Variants in ATP10B observed in about 807,000 individuals in gnomAD.
ATP10B encodes the protein phospholipid-transporting ATPase VB.
ATP10B carries 122 observed loss-of-function variants against 141.2 expected under a neutral mutation model. That is an observed-to-expected ratio of 0.86 (90% CI 0.75 to 1.00). The LOEUF is 1.00. Ranked by LOEUF, ATP10B falls within the 50% of genes least tolerant of loss-of-function variation. The pLI is 0.00. For synonymous variants in ATP10B, 685 were observed against 692.0 expected (o/e 0.99, Z 0.16); for missense variants, 1,876 against 1,825.3 (o/e 1.03, Z -0.51).
In ATP10B at chr5:160,796,408, A is replaced by G. The variant is rs557638083; in HGVS notation, c.-575-10605T>C. On this transcript the variant is annotated intron_variant, in intron 1 of 25. Coordinates refer to ENST00000327245, the MANE Select transcript of ATP10B (RefSeq NM_025153.3). The stretch of plus-strand genomic sequence containing the variant: ...TGATAATAGTAGTAGGAAGGGTAAC[A>G]GTAGCTGACAGTAACTGGTTGTGTG... Among the ~76,000 whole-genome samples the G allele has an allele frequency of 5.7e-4, 87 of 152,362 alleles. No homozygotes were observed. The South Asian group carries it at 0.017, about 30-fold the overall frequency.
intron 2 of ATP10B, among the ~76,000 whole-genome samples, chr5:160,762,084 A>G (rs539058028): frequency 6.6e-6 from 1 of 152,348 alleles, no homozygotes. Context: ...ACAACCAAAC[A>G]TAAGAATAAT....
At chr5:160,809,172 C>G (rs888426570) in intron 1 of ATP10B, among the ~76,000 whole-genome samples, 1 of 152,126 alleles carries the variant, frequency 6.6e-6, no homozygotes, top group African/African-American at 2.4e-5. Flanking sequence ...GCTTTATAGG[C>G]ACTAGTTGTT....
At chr5:160,891,226 AG>A in the ATP10B span, among the ~76,000 whole-genome samples, 1 of 152,162 alleles carries the variant, frequency 6.6e-6, no homozygotes, top group Non-Finnish European at 1.5e-5. Context: ...CCAGACTGCC[AG>A]GTCTCCACAA....
At chr5:160,582,765 G>A (rs1338180433) in intron 24 of ATP10B, among the ~76,000 whole-genome samples, 2 of 152,114 alleles carry the variant, frequency 1.3e-5, no homozygotes, top group Non-Finnish European at 2.9e-5. Flanking sequence ...TTTCTTGGAG[G>A]CTTTGTTCAT....
intron 3 of ATP10B, among the ~76,000 whole-genome samples, chr5:160,704,745 C>G (rs1764877946): frequency 6.6e-6 from 1 of 152,054 alleles, no homozygotes; most frequent in South Asian, 2.1e-4. Context: ...TTGTTTAGCG[C>G]AGCCACTTTT....
At chr5:160,773,552 G>C (rs1013685210) in intron 2 of ATP10B, among the ~76,000 whole-genome samples, 2 of 152,244 alleles carry the variant, frequency 1.3e-5, no homozygotes, top group South Asian at 4.1e-4. Context: ...TATTTGTTAG[G>C]TATATTAGCA....
intron 7 of ATP10B, among the ~76,000 whole-genome samples, chr5:160,655,371 T>C (rs947749140): frequency 1.3e-5 from 2 of 152,096 alleles, no homozygotes; most frequent in East Asian, 3.8e-4. Flanking sequence ...GAATTGCTCC[T>C]TTTCATGTGC....
At chr5:160,850,895 C>G (rs1452684377) in intron 1 of ATP10B, among the ~76,000 whole-genome samples, 1 of 152,202 alleles carries the variant, frequency 6.6e-6, no homozygotes, top group Non-Finnish European at 1.5e-5. Context: ...GATGAAATGA[C>G]AAACTCAGTG....
At chr5:160,830,015 C>A (rs1345844857) in intron 1 of ATP10B, among the ~76,000 whole-genome samples, 1 of 152,022 alleles carries the variant, frequency 6.6e-6, no homozygotes, top group African/African-American at 2.4e-5. Flanking sequence ...GAGTGGGCAT[C>A]CTTGTCTTGT....
At chr5:160,776,213 A>T (rs1432286815) in intron 2 of ATP10B, among the ~76,000 whole-genome samples, 1 of 152,168 alleles carries the variant, frequency 6.6e-6, no homozygotes, top group Non-Finnish European at 1.5e-5. Flanking sequence ...CCCTATCCTC[A>T]GTGCTTGGAA....
chr5:160,781,693 T>A (rs2127882605), intron 2 of ATP10B, among the ~76,000 whole-genome samples: 2 of 152,290 alleles, frequency 1.3e-5, no homozygotes, highest in African/African-American at 4.8e-5. Flanking sequence ...ACCCATCCAT[T>A]TTGCAATCTA....
the ATP10B span, among the ~76,000 whole-genome samples, chr5:160,870,775 A>G: frequency 0.021 from 3,178 of 152,170 alleles, 103 homozygotes; most frequent in African/African-American, 0.069. Flanking sequence ...AAAACCTACA[A>G]CAAAGCATAT....
chr5:160,816,993 G>T (rs909359112), intron 1 of ATP10B, among the ~76,000 whole-genome samples: 1 of 152,100 alleles, frequency 6.6e-6, no homozygotes, highest in African/African-American at 2.4e-5. Flanking sequence ...GGTATTGAAG[G>T]GACGTATATC....
chr5:160,782,218 GGTCA>G (rs1770763773), intron 2 of ATP10B, among the ~76,000 whole-genome samples: 1 of 152,036 alleles, frequency 6.6e-6, no homozygotes, highest in African/African-American at 2.4e-5. Context: ...GGTATATATT[GGTCA>G]GTAACAGCAA....
At chr5:160,771,984 C>T (rs1769937851) in intron 2 of ATP10B, among the ~76,000 whole-genome samples, 1 of 152,254 alleles carries the variant, frequency 6.6e-6, no homozygotes, top group Middle Eastern at 3.2e-3. Flanking sequence ...CGGGGAAGCC[C>T]CTCCAAGGGC....
chr5:160,565,663 A>T lies in ATP10B; in HGVS notation c.4176T>A (p.His1392Gln), dbSNP rs1299539080. The T allele has an allele frequency of 8.1e-6, 13 of 1,613,866 alleles. No homozygotes were observed. Among genetic ancestry groups the T allele is most frequent in the Non-Finnish European group, 1.1e-5 (13 of 1,179,962 alleles). Residue 1392 changes from histidine (H) to glutamine (Q), a missense_variant, in exon 26 of 26, where the codon CAT becomes CAA. Physicochemically the swap from His to Gln is conservative, Grantham distance 24. Coordinates refer to ENST00000327245, the MANE Select transcript of ATP10B (RefSeq NM_025153.3). ...PKSSNPPKRK[H>Q]VEESVLHEQR... ...GTTCGTGGAGTACTGACTCTTCCACATGCTTCCTCTTGGGAGGGTTAGAGC... is the reference window on the plus strand; with the variant it reads ...GTTCGTGGAGTACTGACTCTTCCACTTGCTTCCTCTTGGGAGGGTTAGAGC...
chr5:160,855,602 T>A (rs2127995080), upstream of ATP10B, among the ~76,000 whole-genome samples: 1 of 152,028 alleles, frequency 6.6e-6, no homozygotes, highest in East Asian at 1.9e-4. Flanking sequence ...ATTACACAGA[T>A]CAAAAGGTTT....
At chr5:160,926,271 G>T in the ATP10B span, among the ~76,000 whole-genome samples, 2 of 152,180 alleles carry the variant, frequency 1.3e-5, no homozygotes, top group Non-Finnish European at 2.9e-5. Context: ...AGTTGGAAAA[G>T]AATTCCTGGT....
At chr5:160,688,213 C>G (rs1763882207) in intron 4 of ATP10B, 119 bp from the exon 5 acceptor site, 1 of 1,077,412 alleles carries the variant, frequency 9.3e-7, no homozygotes, top group East Asian at 2.6e-5. Flanking sequence ...ACACTTTGAC[C>G]TACTTCCTTG....
Sources: gnomAD v4.1 joint callset for allele counts (sites outside exome capture counted in the v4.1 genomes callset) on GRCh38, gnomAD v4.1.1 for gene constraint, MANE v1.5 for transcripts, NCBI Gene and HGNC (gene_info 2026-07-23, HGNC 2026-07-21) for gene names.